Variants in TCF12 observed in about 807,000 individuals in gnomAD.
TCF12 encodes the protein transcription factor 12, also known as DNA-binding protein HTF4.
In TCF12, 45 loss-of-function variants were observed where a neutral mutation model predicts 86.0. The ratio of observed to expected loss-of-function variants is 0.52; its 90% CI spans 0.41 to 0.67. TCF12 has a LOEUF of 0.67. Ranked by LOEUF, TCF12 falls within the 30% of genes least tolerant of loss-of-function variation. The pLI, the probability that TCF12 is intolerant of heterozygous loss-of-function variation, is 0.00. For missense variants in TCF12, 881 were observed against 859.9 expected (o/e 1.02, Z -0.31); for synonymous variants, 330 against 299.6 (o/e 1.10, Z -1.05).
chr15:57,026,654 T>G (rs2065841222), intron 3 of TCF12, among the ~76,000 whole-genome samples: 1 of 152,218 alleles, frequency 6.6e-6, no homozygotes, highest in Non-Finnish European at 1.5e-5. Context: ...TTGTATTTTA[T>G]CCAGTACAGT....
chr15:57,071,244 A>G (rs1434234128), intron 4 of TCF12, among the ~76,000 whole-genome samples: 1 of 147,060 alleles, frequency 6.8e-6, no homozygotes, highest in African/African-American at 2.7e-5. Context: ...CCCTCTCTAC[A>G]AAAAATAGAA....
chr15:57,152,542 TA>T (rs34493586), intron 5 of TCF12, among the ~76,000 whole-genome samples: 147,947 of 149,484 alleles, frequency 0.99, 73,223 homozygotes, highest in East Asian at 1. Context: ...ATGGTAGTAA[TA>T]AAAAAAAAAA....
intron 3 of TCF12, among the ~76,000 whole-genome samples, chr15:57,021,590 A>G (rs2065485445): frequency 6.6e-6 from 1 of 152,210 alleles, no homozygotes; most frequent in African/African-American, 2.4e-5. Flanking sequence ...GGGCAGCACC[A>G]AGGATAAAAT....
At chr15:57,184,470 G>A (rs148054133) in intron 6 of TCF12, among the ~76,000 whole-genome samples, 2 of 152,222 alleles carry the variant, frequency 1.3e-5, no homozygotes, top group East Asian at 3.9e-4. Flanking sequence ...TGATATATTT[G>A]TTTGTGTGTA....
chr15:57,160,748 A>G (rs1040202476), intron 5 of TCF12, among the ~76,000 whole-genome samples: 1 of 152,110 alleles, frequency 6.6e-6, no homozygotes, highest in Non-Finnish European at 1.5e-5. Flanking sequence ...GCTGAAATGC[A>G]GTGGCATGAT....
intron 3 of TCF12, among the ~76,000 whole-genome samples, chr15:56,936,196 C>T (rs1209220849): frequency 6.6e-6 from 1 of 151,954 alleles, no homozygotes; most frequent in Non-Finnish European, 1.5e-5. Context: ...GGTGGTATTG[C>T]ATTGTGGTTT....
At chr15:57,146,803 T>G (rs76942618) in intron 5 of TCF12, among the ~76,000 whole-genome samples, 339 of 152,274 alleles carry the variant, frequency 2.2e-3, no homozygotes, top group Middle Eastern at 6.8e-3. Flanking sequence ...TTCATTGTAT[T>G]TGGCGTGAAA....
At chr15:57,057,028 CAA>C (rs1199253116) in intron 3 of TCF12, among the ~76,000 whole-genome samples, 3 of 152,034 alleles carry the variant, frequency 2.0e-5, no homozygotes, top group Non-Finnish European at 4.4e-5. Context: ...CATGTTCTTC[CAA>C]AGAGTTTTGA....
intron 3 of TCF12, among the ~76,000 whole-genome samples, chr15:56,926,730 G>T (rs2060032767): frequency 6.6e-6 from 1 of 152,218 alleles, no homozygotes; most frequent in East Asian, 1.9e-4. Flanking sequence ...TTCAGATCCA[G>T]AAATTACCAG....
intron 3 of TCF12, among the ~76,000 whole-genome samples, chr15:56,988,002 A>G (rs1196709550): frequency 6.6e-6 from 1 of 152,240 alleles, no homozygotes; most frequent in Non-Finnish European, 1.5e-5. Context: ...TATCACTTGT[A>G]TTAGTATGTG....
intron 5 of TCF12, among the ~76,000 whole-genome samples, chr15:57,104,494 T>G (rs2049998868): frequency 7.4e-6 from 1 of 134,506 alleles, no homozygotes. Flanking sequence ...CAGGCTGGAG[T>G]GCAGTGGAGC....
chr15:57,206,582 CTTTTT>C (rs67531540), intron 8 of TCF12, among the ~76,000 whole-genome samples: 14 of 83,808 alleles, frequency 1.7e-4, no homozygotes, highest in Non-Finnish European at 2.5e-4. Flanking sequence ...CTTGTATTCT[CTTTTT>C]TTTTTTTTTT....
chr15:56,968,790 G>A (rs2062139415), intron 3 of TCF12, among the ~76,000 whole-genome samples: 1 of 152,208 alleles, frequency 6.6e-6, no homozygotes, highest in Admixed American at 6.5e-5. Flanking sequence ...TGCTCAAGGT[G>A]GCTGGGGACA....
chr15:57,187,006 C>T (rs1294615648), intron 6 of TCF12, among the ~76,000 whole-genome samples: 2 of 152,102 alleles, frequency 1.3e-5, no homozygotes, highest in Non-Finnish European at 2.9e-5. Flanking sequence ...CATGATGAAA[C>T]TCTGTCTCTA....
At chr15:57,038,445 G>A (rs865822925) in intron 3 of TCF12, among the ~76,000 whole-genome samples, 5 of 149,780 alleles carry the variant, frequency 3.3e-5, no homozygotes, top group Admixed American at 2.7e-4. Flanking sequence ...AGGTGGGGGT[G>A]GTGGAGAGAA....
chr15:57,057,809 A>T (rs1284344709), intron 3 of TCF12, among the ~76,000 whole-genome samples: 2 of 152,234 alleles, frequency 1.3e-5, no homozygotes, highest in Non-Finnish European at 2.9e-5. Context: ...AGACTATTAC[A>T]GTAATGCAGG....
intron 6 of TCF12, among the ~76,000 whole-genome samples, chr15:57,182,675 A>G (rs1271441903): frequency 6.6e-6 from 1 of 152,186 alleles, no homozygotes; most frequent in Non-Finnish European, 1.5e-5. Context: ...CTGTGGAACA[A>G]GAAGACAGGG....
intron 12 of TCF12, among the ~76,000 whole-genome samples, chr15:57,239,808 G>T (rs969394665): frequency 2.0e-5 from 3 of 152,120 alleles, no homozygotes; most frequent in Admixed American, 6.6e-5. Context: ...GAAGAGTAGA[G>T]ATGGGAAGGA....
At chr15:57,042,609 G>A (rs1157641294) in intron 3 of TCF12, among the ~76,000 whole-genome samples, 3 of 151,900 alleles carry the variant, frequency 2.0e-5, no homozygotes, top group African/African-American at 2.4e-5. Flanking sequence ...AGACGGGATC[G>A]CACTGTGTTG....
Sources: allele counts gnomAD v4.1 joint callset (sites outside exome capture counted in the v4.1 genomes callset), GRCh38; gene constraint gnomAD v4.1.1; transcripts MANE v1.5; gene names NCBI Gene and HGNC (gene_info 2026-07-23, HGNC 2026-07-21).